Variants in GSN observed in about 807,000 individuals in gnomAD.
GSN encodes actin-depolymerizing factor.
GSN carries 56 observed loss-of-function variants against 85.7 expected under a neutral mutation model. The observed-to-expected ratio is 0.65, with a 90% CI of 0.53 to 0.82. GSN has a LOEUF of 0.82. Among genes scored for constraint, GSN ranks in the 40% least tolerant of loss-of-function variants. The probability of loss-of-function intolerance (pLI) is 0.00; values close to 1 mark genes in which losing one functional copy is unlikely to be tolerated. For synonymous variants in GSN, 373 were observed against 399.1 expected (o/e 0.93, Z 0.78); for missense variants, 857 against 979.8 (o/e 0.87, Z 1.67).
At chr9:121,222,555 T>G (rs1031594751) in intron 4 of GSN, among the ~76,000 whole-genome samples, 6 of 152,234 alleles carry the variant, frequency 3.9e-5, no homozygotes, top group African/African-American at 1.4e-4. Context: ...GTACATTTAT[T>G]TATTGTACAT....
intron 4 of GSN, among the ~76,000 whole-genome samples, chr9:121,224,624 T>C (rs1198740248): frequency 2.0e-5 from 3 of 151,844 alleles, no homozygotes; most frequent in Non-Finnish European, 2.9e-5. Context: ...CTGTGGACTT[T>C]CCTGCCACCA....
At chr9:121,271,592 ACATT>A (rs2055967668) in intron 1 of GSN, among the ~76,000 whole-genome samples, 1 of 152,132 alleles carries the variant, frequency 6.6e-6, no homozygotes, top group South Asian at 2.1e-4. Context: ...ACAGCACTAA[ACATT>A]CTCTTGAAAA....
At chr9:121,324,115 C>G (rs2062849177) in intron 11 of GSN, among the ~76,000 whole-genome samples, 1 of 152,198 alleles carries the variant, frequency 6.6e-6, no homozygotes, top group African/African-American at 2.4e-5. Context: ...GTGCAGACCT[C>G]TCTGCACGTG....
chr9:121,274,175 T>C (rs988435628), intron 1 of GSN, among the ~76,000 whole-genome samples: 4 of 152,184 alleles, frequency 2.6e-5, no homozygotes, highest in African/African-American at 9.7e-5. Context: ...AATATAGACA[T>C]TAAAAGATCT....
chr9:121,235,117 C>T lies in GSN; in HGVS notation c.-389+3814C>T, dbSNP rs577878541. Among the ~76,000 whole-genome samples the T allele has an allele frequency of 1.1e-4, 17 of 152,276 alleles. 1 individual carries two copies. The highest frequency in any genetic ancestry group is 1.1e-3 in the Admixed American group (17 of 15,302). On this transcript the variant is annotated intron_variant, in intron 5 of 24. Transcript: ENST00000373823. ...TAAAGGAAACCTGGCAAAGTCATGC[C>T]GTTGGCTGTCACTGAAATTCAGCAA...
intron 8 of GSN, chr9:121,317,924 G>A: frequency 4.6e-6 from 1 of 218,768 alleles, no homozygotes; most frequent in Non-Finnish European, 9.2e-6. Context: ...CAGCTGATCT[G>A]GACCTTGGCC....
intron 1 of GSN, among the ~76,000 whole-genome samples, chr9:121,278,715 G>C (rs1196676012): frequency 3.3e-5 from 5 of 152,228 alleles, no homozygotes; most frequent in Admixed American, 2.6e-4. Context: ...GTGTGTGGGT[G>C]GTGGACTAGA....
At chr9:121,212,132 T>A (rs1400242538) in intron 4 of GSN, among the ~76,000 whole-genome samples, 1 of 152,188 alleles carries the variant, frequency 6.6e-6, no homozygotes, top group Non-Finnish European at 1.5e-5. Flanking sequence ...TATGGATGCC[T>A]TTTAACTGAG....
intron 4 of GSN, among the ~76,000 whole-genome samples, chr9:121,219,983 G>C (rs917235838): frequency 2.3e-4 from 35 of 152,200 alleles, no homozygotes; most frequent in African/African-American, 7.7e-4. Flanking sequence ...CCAGGTTCAA[G>C]TGATTCTCCT....
chr9:121,297,011 T>G (rs1053080831), intron 2 of GSN, among the ~76,000 whole-genome samples: 1 of 152,224 alleles, frequency 6.6e-6, no homozygotes, highest in Non-Finnish European at 1.5e-5. Flanking sequence ...AATCACCAAC[T>G]ATGCAGGTCA....
rs1274106245 is a variant in GSN, at chr9:121,327,501, G to A, written c.1762+19G>A. ...GAGCCAGGTAGGAGCCGGGGTGGGGGGCCTGCTGCTGTCCGGATGCAGCTA... is the reference window on the plus strand; with the variant it reads ...GAGCCAGGTAGGAGCCGGGGTGGGGAGCCTGCTGCTGTCCGGATGCAGCTA... On this transcript the variant is annotated intron_variant, in intron 14 of 17. Coordinates refer to ENST00000432226, the MANE Select transcript of GSN (RefSeq NM_198252.3). The A allele has an allele frequency of 5.2e-6, 8 of 1,546,032 alleles. No individual in the cohort carries two copies. Among genetic ancestry groups the A allele is most frequent in the African/African-American group, 1.4e-5 (1 of 73,282 alleles).
At chr9:121,289,621 A>G (rs2058493560) in intron 2 of GSN, among the ~76,000 whole-genome samples, 1 of 152,068 alleles carries the variant, frequency 6.6e-6, no homozygotes, top group Non-Finnish European at 1.5e-5. Flanking sequence ...GGCACTCACT[A>G]CCTCATCTTG....
intron 5 of GSN, among the ~76,000 whole-genome samples, chr9:121,235,912 T>C (rs746845922): frequency 3.3e-5 from 5 of 152,232 alleles, no homozygotes; most frequent in Admixed American, 6.5e-5. Flanking sequence ...CGGCCACATA[T>C]TCCAAATAGC....
intron 6 of GSN, among the ~76,000 whole-genome samples, chr9:121,262,530 G>A (rs2055109139): frequency 6.6e-6 from 1 of 152,166 alleles, no homozygotes. Flanking sequence ...GTTAAGCTGT[G>A]GAGGAAGAAC....
chr9:121,226,757 A>G (rs1481343984), intron 4 of GSN, among the ~76,000 whole-genome samples: 2 of 152,192 alleles, frequency 1.3e-5, no homozygotes, highest in East Asian at 3.9e-4. Flanking sequence ...CTTTGTTTCA[A>G]TAAGGCAACT....
chr9:121,223,639 T>C (rs543188740), intron 4 of GSN, among the ~76,000 whole-genome samples: 1 of 152,162 alleles, frequency 6.6e-6, no homozygotes, highest in East Asian at 1.9e-4. Context: ...ATTTTACTTA[T>C]AACGTACTTT....
chr9:121,310,356 T>C, intron 4 of GSN: 1 of 361,878 alleles, frequency 2.8e-6, no homozygotes, highest in Non-Finnish European at 5.3e-6. Flanking sequence ...TTTTTTGATT[T>C]AGAAAGTGGC....
intron 6 of GSN, among the ~76,000 whole-genome samples, chr9:121,252,606 A>C (rs2132247753): frequency 6.6e-6 from 1 of 152,190 alleles, no homozygotes; most frequent in East Asian, 1.9e-4. Flanking sequence ...TAAAAGAGTG[A>C]GTGTGAGCTC....
chr9:121,307,787 G>T (rs187964518), intron 4 of GSN, among the ~76,000 whole-genome samples: 290 of 152,296 alleles, frequency 1.9e-3, no homozygotes, highest in African/African-American at 6.9e-3. Flanking sequence ...CTTCCCTGGC[G>T]GTTCTTCCTC....
Sources: gnomAD v4.1 joint callset for allele counts (sites outside exome capture counted in the v4.1 genomes callset) on GRCh38, gnomAD v4.1.1 for gene constraint, MANE v1.5 for transcripts, NCBI Gene and HGNC (gene_info 2026-07-23, HGNC 2026-07-21) for gene names.